The following KIZ variants were observed in gnomAD, a reference collection of about 807,000 sequenced individuals.
KIZ encodes centrosomal protein kizuna.
Under a neutral mutation model 79.6 loss-of-function variants are expected in KIZ, and 68 were observed. The ratio of observed to expected loss-of-function variants is 0.85; its 90% CI spans 0.70 to 1.05. The LOEUF (loss-of-function observed/expected upper bound fraction) is 1.05. KIZ is among the 50% of genes least tolerant of loss of function. The pLI is 0.00. For synonymous variants in KIZ, 280 were observed against 281.8 expected (o/e 0.99, Z 0.06); for missense variants, 797 against 800.4 (o/e 1.00, Z 0.05).
rs113900326 is a variant in KIZ, at chr20:21,243,700, G to A, written c.1881-545G>A. 4.4e-3 allele frequency among the ~76,000 whole-genome samples: 663 copies of A among 152,258 alleles called. 5 individuals carry two copies. Among genetic ancestry groups the A allele is most frequent in the African/African-American group, 0.016 (651 of 41,554 alleles). ...CAGTCGAGACGGTCCTGGACGCCAC[G>A]AACACTAGCATTTATGTGACACTTG... On this transcript the variant is annotated intron_variant, in intron 11 of 12. Coordinates refer to ENST00000619189, the MANE Select transcript of KIZ (RefSeq NM_018474.6).
chr20:21,191,407 T>G (rs939736023), intron 6 of KIZ, among the ~76,000 whole-genome samples: 1 of 152,212 alleles, frequency 6.6e-6, no homozygotes. Context: ...TTAAAGAAAT[T>G]GAATGCACTG....
In KIZ at chr20:21,131,697, G is replaced by A. The variant is rs149856077; in HGVS notation, c.90-400G>A. ...GGCAGGAGTCTTGGCTGGCTAGTTCGCCATATTAGTCTCCAGGCCTAGAAC... is the reference window on the plus strand; with the variant it reads ...GGCAGGAGTCTTGGCTGGCTAGTTCACCATATTAGTCTCCAGGCCTAGAAC... On this transcript the variant is annotated intron_variant, in intron 1 of 12. Transcript: ENST00000619189. Among the ~76,000 whole-genome samples, 26 of 152,282 alleles carry A rather than the reference G, an allele frequency of 1.7e-4. No homozygotes were observed. In the East Asian group the frequency reaches 4.8e-3, roughly 28 times the overall value.
At chr20:21,175,120 A>G (rs1410345625) in intron 6 of KIZ, among the ~76,000 whole-genome samples, 1 of 152,102 alleles carries the variant, frequency 6.6e-6, no homozygotes, top group African/African-American at 2.4e-5. Flanking sequence ...TTTGTTCCCA[A>G]AGTAAGGCTA....
intron 7 of KIZ, among the ~76,000 whole-genome samples, chr20:21,213,137 C>T (rs1384538298): frequency 6.6e-6 from 1 of 152,184 alleles, no homozygotes; most frequent in East Asian, 1.9e-4. Context: ...TCAGCCAGTA[C>T]TAGGGAGGGA....
chr20:21,163,628 A>C (rs2033799732), intron 6 of KIZ, among the ~76,000 whole-genome samples: 1 of 152,188 alleles, frequency 6.6e-6, no homozygotes, highest in East Asian at 1.9e-4. Context: ...CATTTTTGTC[A>C]TCTGATTAAA....
chr20:21,162,779 A>G lies in KIZ; in HGVS notation c.1043-71A>G, dbSNP rs545316839. ...TCTCCATGTTTTTAACTGATGAGTAATTCTGCTGTGTGTTACCTTGCTTCC... is the reference window on the plus strand; with the variant it reads ...TCTCCATGTTTTTAACTGATGAGTAGTTCTGCTGTGTGTTACCTTGCTTCC... On this transcript the variant is annotated intron_variant, in intron 5 of 12. Coordinates refer to ENST00000619189, the MANE Select transcript of KIZ (RefSeq NM_018474.6). The G allele has an allele frequency of 3.2e-6, 4 of 1,233,728 alleles. No homozygotes were observed. The Admixed American group carries it at 9.6e-5, about 29-fold the overall frequency. The allele number at this position is 1,233,728 out of a possible 1,614,324, so 76.4% of individuals were successfully genotyped here. A position where few individuals can be genotyped will look rare whatever the true frequency, so the allele number is the denominator to read the frequency against.
intron 7 of KIZ, among the ~76,000 whole-genome samples, chr20:21,209,197 A>AT (rs2035961869): frequency 6.6e-6 from 1 of 152,188 alleles, no homozygotes; most frequent in Non-Finnish European, 1.5e-5. Context: ...AGAAACTCAG[A>AT]TTATGTTCCC....
intron 7 of KIZ, among the ~76,000 whole-genome samples, 160 bp from the exon 8 acceptor site, chr20:21,214,374 GT>G (rs36027468): frequency 6.6e-6 from 1 of 151,858 alleles, no homozygotes; most frequent in African/African-American, 2.4e-5. Context: ...ATAACCAGGT[GT>G]TTTTTTTCTT....
At position 21,161,282 on chromosome 20, in the gene KIZ, T is replaced by A. The variant is rs80283347; in HGVS notation, c.406-589T>A. Among the ~76,000 whole-genome samples the A allele has an allele frequency of 8.4e-3, 1,282 of 152,328 alleles. 22 individuals carry two copies. Among genetic ancestry groups the A allele is most frequent in the African/African-American group, 0.029 (1,219 of 41,570 alleles). Reference sequence around the variant, plus strand: ...ATATTTTCTCCCATTATGTGGGTTATATTTTCACTTTCCTGATGACGTCTT... The same window carrying A: ...ATATTTTCTCCCATTATGTGGGTTAAATTTTCACTTTCCTGATGACGTCTT... On this transcript the variant is annotated intron_variant, in intron 4 of 12. Transcript: ENST00000619189.
At chr20:21,156,330 A>G (rs372211787) in intron 4 of KIZ, among the ~76,000 whole-genome samples, 1 of 152,176 alleles carries the variant, frequency 6.6e-6, no homozygotes, top group Non-Finnish European at 1.5e-5. Context: ...CAGGATTGTT[A>G]TAATTTTAAT....
intron 6 of KIZ, among the ~76,000 whole-genome samples, chr20:21,202,850 C>T (rs2035651869): frequency 6.6e-6 from 1 of 152,100 alleles, no homozygotes. Context: ...TTTACTTTGA[C>T]ATTTTTAAAC....
intron 3 of KIZ, among the ~76,000 whole-genome samples, chr20:21,143,733 AATT>A (rs1265720701): frequency 6.6e-6 from 1 of 152,116 alleles, no homozygotes; most frequent in East Asian, 1.9e-4. Flanking sequence ...GAGATAAGGG[AATT>A]ATTTATCCCT....
At chr20:21,238,088 CCCAAAGTGCTGGGATTATAGG>C (rs1313311467) in intron 11 of KIZ, among the ~76,000 whole-genome samples, 2 of 152,182 alleles carry the variant, frequency 1.3e-5, no homozygotes, top group African/African-American at 2.4e-5. Context: ...TCCTCGGCCT[CCCAAAGTGCTGGGATTATAGG>C]CGAGCCACCA....
At chr20:21,149,398 C>T (rs2122545238) in intron 4 of KIZ, among the ~76,000 whole-genome samples, 1 of 152,156 alleles carries the variant, frequency 6.6e-6, no homozygotes, top group African/African-American at 2.4e-5. Context: ...AGGACCCGCC[C>T]CCTAAACTGC....
At chr20:21,163,880 A>G (rs1214767167) in intron 6 of KIZ, among the ~76,000 whole-genome samples, 1 of 152,214 alleles carries the variant, frequency 6.6e-6, no homozygotes, top group Admixed American at 6.5e-5. Flanking sequence ...TAACTGTTGA[A>G]AAGTGATTTT....
intron 8 of KIZ, 139 bp from the exon 9 acceptor site, chr20:21,215,444 T>C (rs2036245900): frequency 2.3e-6 from 1 of 432,254 alleles, no homozygotes; most frequent in East Asian, 3.5e-5. Context: ...TAGGTTTCCT[T>C]TTAGGAACAG....
At chr20:21,157,392 G>A (rs937980070) in intron 4 of KIZ, among the ~76,000 whole-genome samples, 6 of 152,132 alleles carry the variant, frequency 3.9e-5, no homozygotes, top group African/African-American at 1.4e-4. Flanking sequence ...CCAGAGTTCA[G>A]TATTCCAAGA....
chr20:21,181,539 A>G (rs1422993347), intron 6 of KIZ, among the ~76,000 whole-genome samples: 1 of 151,542 alleles, frequency 6.6e-6, no homozygotes, highest in Non-Finnish European at 1.5e-5. Context: ...GCTCACTGCA[A>G]CCTCCACCTC....
chr20:21,136,174 T>C (rs768404404), intron 2 of KIZ, among the ~76,000 whole-genome samples: 1 of 152,066 alleles, frequency 6.6e-6, no homozygotes, highest in Non-Finnish European at 1.5e-5. Flanking sequence ...CTCAGGGGAG[T>C]TATGCTTAGA....
Sources: allele counts gnomAD v4.1 joint callset (sites outside exome capture counted in the v4.1 genomes callset), GRCh38; gene constraint gnomAD v4.1.1; transcripts MANE v1.5; gene names NCBI Gene and HGNC (gene_info 2026-07-23, HGNC 2026-07-21).